Variants in ZNF587 observed in about 807,000 individuals in gnomAD.
ZNF587 encodes the protein zinc finger protein zfp6.
In ZNF587, 8 loss-of-function variants were observed where a neutral mutation model predicts 7.5. The observed-to-expected ratio is 1.06, with a 90% confidence interval of 0.62 to 1.92. The LOEUF is 1.92. ZNF587 is among the 40% of genes most tolerant of loss of function. The pLI, the probability that ZNF587 is intolerant of heterozygous loss-of-function variation, is 0.00. For synonymous variants in ZNF587, 145 were observed against 237.8 expected, an observed-to-expected ratio of 0.61 and a Z score of 3.59; for missense variants, 468 against 692.8, an observed-to-expected ratio of 0.68 and a Z score of 3.64.
intron 1 of ZNF587, among the ~76,000 whole-genome samples, chr19:57,853,294 G>C (rs190697922): frequency 6.6e-6 from 1 of 152,204 alleles, no homozygotes. Context: ...ATTCACTGTG[G>C]ATATCCAGAG....
chr19:57,856,319 A>G (rs1168019605), intron 2 of ZNF587, 86 bp downstream of exon 2: 5 of 1,520,988 alleles, frequency 3.3e-6, no homozygotes, highest in Admixed American at 4.3e-5. Context: ...TTCTCACCTA[A>G]GGAGCCTGGA....
intron 1 of ZNF587, chr19:57,853,750 C>CTTTTTTTTTTTT (rs1232931569): frequency 6.9e-6 from 1 of 144,366 alleles, no homozygotes; most frequent in African/African-American, 2.7e-5. Context: ...AAAGTTGTAA[C>CTTTTTTTTTTTT]TTTTTTGTTT....
chr19:57,862,796 A>G lies in ZNF587; in HGVS notation c.*2656A>G, dbSNP rs10414341. 1,772 of 155,098 alleles carry G rather than the reference A, an allele frequency of 0.011. 26 individuals are homozygous for G. Among genetic ancestry groups the G allele is most frequent in the African/African-American group, 0.04 (1,664 of 41,630 alleles). The allele number at this position is 155,098 out of a possible 1,614,324, so 9.6% of individuals were successfully genotyped here. A position where few individuals can be genotyped will look rare whatever the true frequency, so the allele number is the denominator to read the frequency against. On this transcript the variant is annotated 3_prime_UTR_variant, in exon 3 of 3. Transcript: ENST00000339656. Reference sequence around the variant, plus strand: ...CCGGAGGCAGGGTGCCACCTCCTCAACTTCCCTGAGGGCTGCCTAGAATCT... The same window carrying G: ...CCGGAGGCAGGGTGCCACCTCCTCAGCTTCCCTGAGGGCTGCCTAGAATCT...
rs1255108639 is a variant in ZNF587, at chr19:57,863,133, T to G, written c.*2993T>G. ...CAGCTTAATTTTTTTGTTTTGTTTC[T>G]TGAGACAGAGTCTTGCTCTCTTGCC... On this transcript the variant is annotated 3_prime_UTR_variant, in exon 3 of 3. Coordinates refer to ENST00000339656, the MANE Select transcript of ZNF587 (RefSeq NM_032828.4). 6.6e-6 allele frequency: 1 copy of G among 152,478 alleles called. No homozygotes were observed. Among genetic ancestry groups the G allele is most frequent in the Admixed American group, 6.5e-5 (1 of 15,280 alleles). The allele number at this position is 152,478 out of a possible 1,614,324, so 9.4% of individuals were successfully genotyped here.
At chr19:57,858,474 T>C in intron 2 of ZNF587, 102 bp from the exon 3 acceptor site, 2 of 1,510,240 alleles carry the variant, frequency 1.3e-6, no homozygotes, top group South Asian at 2.7e-5. Context: ...CCTGCAAATA[T>C]TTCTATAGAT....
intron 1 of ZNF587, among the ~76,000 whole-genome samples, chr19:57,852,967 C>T (rs2071301220): frequency 6.7e-6 from 1 of 149,568 alleles, no homozygotes; most frequent in Non-Finnish European, 1.5e-5. Flanking sequence ...ATTCTCCTGC[C>T]TCAGCCTCCT....
chr19:57,858,353 C>T, intron 2 of ZNF587: 1 of 782,986 alleles, frequency 1.3e-6, no homozygotes, highest in South Asian at 2.0e-5. Flanking sequence ...TCTTGAACTT[C>T]TGACCTCAGG....
chr19:57,855,178 C>G (rs1238070265), intron 1 of ZNF587, among the ~76,000 whole-genome samples: 2 of 150,326 alleles, frequency 1.3e-5, no homozygotes, highest in African/African-American at 4.9e-5. Flanking sequence ...AGCAAGACTC[C>G]GTCTCAAAAA....
chr19:57,851,159 A>G (rs2071276118), intron 1 of ZNF587: 1 of 151,906 alleles, frequency 6.6e-6, no homozygotes, highest in Non-Finnish European at 1.5e-5. Context: ...CACCCCAGAA[A>G]CTCACATTAG....
At position 57,861,319 on chromosome 19, in the gene ZNF587, G is replaced by T. The variant is rs1234741221; in HGVS notation, c.*1179G>T. ...ATAAGTGGTTATAACTTTTGAGTCAGTGGTTTATGTTTTGCATTTTTTTTG... is the reference window on the plus strand; with the variant it reads ...ATAAGTGGTTATAACTTTTGAGTCATTGGTTTATGTTTTGCATTTTTTTTG... On this transcript the variant is annotated 3_prime_UTR_variant, in exon 3 of 3. Transcript: ENST00000339656. 1 of 152,104 alleles carries T rather than the reference G, an allele frequency of 6.6e-6. No homozygotes were observed. Among genetic ancestry groups the T allele is most frequent in the Non-Finnish European group, 1.5e-5 (1 of 68,026 alleles). The allele number at this position is 152,104 out of a possible 1,614,324, so 9.4% of individuals were successfully genotyped here.
chr19:57,859,723 T>C lies in ZNF587; in HGVS notation c.1311T>C (p.Asn437=), dbSNP rs140435627. The change falls in exon 3 of 3, where the codon AAT becomes AAC. Residue 437 remains asparagine (N), a synonymous_variant. Coordinates refer to ENST00000339656, the MANE Select transcript of ZNF587 (RefSeq NM_032828.4). ...TTCACACTGGGGAAAGACCTTACAA[T>C]TGTAGGGAATGTGGGAAATTATTTA... ...QRLHTGERPY[N]CRECGKLFNR... 3.1e-6 allele frequency: 5 copies of C among 1,612,716 alleles called. No homozygotes were observed. The African/African-American group carries it at 6.7e-5, about 22-fold the overall frequency.
rs111947047 is a variant in ZNF587, at chr19:57,855,358, A to C, written c.34-746A>C. ...AGACTATGTCTCAAAAAAATCCCCCAAAAATAAACTTTTACTTCTGGGGAT... is the reference window on the plus strand; with the variant it reads ...AGACTATGTCTCAAAAAAATCCCCCCAAAATAAACTTTTACTTCTGGGGAT... On this transcript the variant is annotated intron_variant, in intron 1 of 2. Coordinates refer to ENST00000339656, the MANE Select transcript of ZNF587 (RefSeq NM_032828.4). Among the ~76,000 whole-genome samples, 776 of 152,174 alleles carry C rather than the reference A, an allele frequency of 5.1e-3. 7 individuals are homozygous for C. The highest frequency in any genetic ancestry group is 0.018 in the African/African-American group (728 of 41,542).
rs1327670699 is a variant in ZNF587, at chr19:57,860,600, T to C, written c.*460T>C. On this transcript the variant is annotated 3_prime_UTR_variant, in exon 3 of 3. Transcript: ENST00000339656. ...TTTTCGTATTGCTTAGAATATGACATGCTGAACCAGGCATGGTGGCTCATG... is the reference window on the plus strand; with the variant it reads ...TTTTCGTATTGCTTAGAATATGACACGCTGAACCAGGCATGGTGGCTCATG... The C allele has an allele frequency of 5.3e-6, 1 of 189,458 alleles. No individual in the cohort carries two copies. Among genetic ancestry groups the C allele is most frequent in the Non-Finnish European group, 1.1e-5 (1 of 89,934 alleles). The allele number at this position is 189,458 out of a possible 1,614,324, so 11.7% of individuals were successfully genotyped here.
rs765920721 is a variant in ZNF587, at chr19:57,850,079, T to G, written c.33+8T>G. ...CCGAGGCGCCCAACTCAGGTAATTGTGGTGCCTTCTGTGCCCTCAGGTCAC... is the reference window on the plus strand; with the variant it reads ...CCGAGGCGCCCAACTCAGGTAATTGGGGTGCCTTCTGTGCCCTCAGGTCAC... On this transcript the variant is annotated splice_region_variant and intron_variant, in intron 1 of 2. Transcript: ENST00000339656. 4 of 1,614,148 alleles carry G rather than the reference T, an allele frequency of 2.5e-6. No individual in the cohort carries two copies. The South Asian group carries it at 4.4e-5, about 18-fold the overall frequency.
intron 1 of ZNF587, chr19:57,851,208 G>C (rs1259163902): frequency 6.6e-6 from 1 of 152,098 alleles, no homozygotes; most frequent in African/African-American, 2.4e-5. Context: ...AGCAACTTGG[G>C]GAGGTTCAGA....
At chr19:57,857,608 G>C (rs899332879) in intron 2 of ZNF587, among the ~76,000 whole-genome samples, 6 of 149,142 alleles carry the variant, frequency 4.0e-5, no homozygotes, top group Non-Finnish European at 8.8e-5. Context: ...ATATATGTGT[G>C]TATGTGTATA....
rs781320784 is a variant in ZNF587 at position 57,862,594 on chromosome 19, T to A, written c.*2454T>A. ...AGGTGAGATTATGGAATCCAGAATCTTTTTTCAGGGGTCACATGCCCATTT... is the reference window on the plus strand; with the variant it reads ...AGGTGAGATTATGGAATCCAGAATCATTTTTCAGGGGTCACATGCCCATTT... On this transcript the variant is annotated 3_prime_UTR_variant, in exon 3 of 3. Transcript: ENST00000339656. 6.5e-6 allele frequency: 1 copy of A among 154,850 alleles called. No homozygotes were observed. Among genetic ancestry groups the A allele is most frequent in the Non-Finnish European group, 1.5e-5 (1 of 68,250 alleles). The allele number at this position is 154,850 out of a possible 1,614,324, so 9.6% of individuals were successfully genotyped here.
intron 1 of ZNF587, chr19:57,852,317 A>G (rs1213830214): frequency 5.0e-6 from 2 of 398,484 alleles, no homozygotes; most frequent in African/African-American, 4.1e-5. Flanking sequence ...AAAACGGATC[A>G]AAGTCAGGAG....
intron 2 of ZNF587, among the ~76,000 whole-genome samples, chr19:57,857,848 C>G (rs1341384525): frequency 3.3e-5 from 5 of 151,842 alleles, no homozygotes; most frequent in African/African-American, 1.2e-4. Flanking sequence ...ATTAGCCAGG[C>G]TGGTCTCGAA....
Sources: gnomAD v4.1 joint callset for allele counts (sites outside exome capture counted in the v4.1 genomes callset) on GRCh38, gnomAD v4.1.1 for gene constraint, MANE v1.5 for transcripts, NCBI Gene and HGNC (gene_info 2026-07-23, HGNC 2026-07-21) for gene names.